The following RIGI variants were observed in gnomAD, a reference collection of about 807,000 sequenced individuals.
RIGI encodes the protein RNA sensor RIG-I.
the RIGI span, chr9:32,472,998 C>T: frequency 3.2e-5 from 51 of 1,609,608 alleles, no homozygotes; most frequent in East Asian, 2.5e-4. Context: ...TGTTTTGCCA[C>T]GTCCAGTCAA....
the RIGI span, among the ~76,000 whole-genome samples, chr9:32,509,500 G>A: frequency 1.3e-5 from 2 of 152,224 alleles, no homozygotes; most frequent in Non-Finnish European, 2.9e-5. Context: ...CAGACCTGCA[G>A]CTGAGGGGCC....
chr9:32,498,905 C>T, the RIGI span, among the ~76,000 whole-genome samples: 1 of 150,964 alleles, frequency 6.6e-6, no homozygotes, highest in South Asian at 2.1e-4. Flanking sequence ...ATAGCTCGAA[C>T]CCGGGAGGCG....
At chr9:32,516,887 C>T in the RIGI span, among the ~76,000 whole-genome samples, 1 of 152,176 alleles carries the variant, frequency 6.6e-6, no homozygotes, top group Admixed American at 6.5e-5. Context: ...AAAAGCACCT[C>T]GACTGTTTCA....
the RIGI span, among the ~76,000 whole-genome samples, chr9:32,482,636 G>A: frequency 1.3e-5 from 2 of 152,230 alleles, no homozygotes; most frequent in South Asian, 2.1e-4. Flanking sequence ...CCAGGCGGGT[G>A]GATCACGAGG....
chr9:32,461,466 C>G, the RIGI span, among the ~76,000 whole-genome samples: 1 of 152,138 alleles, frequency 6.6e-6, no homozygotes, highest in Non-Finnish European at 1.5e-5. Context: ...TTTCACGTGT[C>G]CCAGGTGGAT....
chr9:32,494,727 A>G, the RIGI span, among the ~76,000 whole-genome samples: 1 of 152,134 alleles, frequency 6.6e-6, no homozygotes, highest in East Asian at 1.9e-4. Context: ...TTCTGTTTCT[A>G]TGAATCTGAC....
the RIGI span, among the ~76,000 whole-genome samples, chr9:32,483,918 ATTAC>A: frequency 6.6e-6 from 1 of 152,014 alleles, no homozygotes; most frequent in Non-Finnish European, 1.5e-5. Context: ...TAGTATTAGT[ATTAC>A]TTCTCTAATT....
At chr9:32,477,271 G>T in the RIGI span, 1 of 914,510 alleles carries the variant, frequency 1.1e-6, no homozygotes. Flanking sequence ...GTTTTAAATT[G>T]GTACAACCTT....
At chr9:32,496,699 A>G in the RIGI span, among the ~76,000 whole-genome samples, 2 of 152,212 alleles carry the variant, frequency 1.3e-5, no homozygotes, top group African/African-American at 4.8e-5. Context: ...ATATCCCATC[A>G]TATGTACACA....
At chr9:32,459,322 G>A in the RIGI span, 2 of 1,591,496 alleles carry the variant, frequency 1.3e-6, no homozygotes, top group East Asian at 2.2e-5. Flanking sequence ...ACAGTAAGCT[G>A]TAGCTAGTGC....
At chr9:32,506,174 C>T in the RIGI span, among the ~76,000 whole-genome samples, 10 of 152,134 alleles carry the variant, frequency 6.6e-5, no homozygotes, top group African/African-American at 2.2e-4. Flanking sequence ...GCTGAGATTG[C>T]GCCACTGCAC....
At chr9:32,468,050 T>C in the RIGI span, 2 of 896,768 alleles carry the variant, frequency 2.2e-6, no homozygotes, top group Admixed American at 2.9e-5. Context: ...AAGTACTTTA[T>C]ATCCATGATC....
the RIGI span, chr9:32,489,592 A>G: frequency 2.2e-6 from 1 of 460,780 alleles, no homozygotes; most frequent in East Asian, 3.6e-5. Flanking sequence ...TCTCTTGGTA[A>G]CCATTCTAGC....
chr9:32,502,344 T>C, the RIGI span, among the ~76,000 whole-genome samples: 2 of 152,240 alleles, frequency 1.3e-5, no homozygotes, highest in African/African-American at 4.8e-5. Flanking sequence ...TGACGATGTA[T>C]ATATTCATTT....
At chr9:32,484,883 C>T in the RIGI span, among the ~76,000 whole-genome samples, 1 of 152,000 alleles carries the variant, frequency 6.6e-6, no homozygotes. Flanking sequence ...ACAGGAAAGT[C>T]AGGAGGGAAA....
chr9:32,515,337 C>CAA, the RIGI span, among the ~76,000 whole-genome samples: 4 of 90,196 alleles, frequency 4.4e-5, 1 homozygote, highest in African/African-American at 3.6e-5. Context: ...AAAAAAAAGC[C>CAA]ACACGTTTGT....
chr9:32,493,567 G>A, the RIGI span, among the ~76,000 whole-genome samples: 4 of 150,932 alleles, frequency 2.7e-5, no homozygotes, highest in African/African-American at 9.7e-5. Context: ...AGGTTGCAAT[G>A]AGCCGAGATC....
chr9:32,493,128 T>C, the RIGI span, among the ~76,000 whole-genome samples: 1 of 152,222 alleles, frequency 6.6e-6, no homozygotes, highest in South Asian at 2.1e-4. Flanking sequence ...ATACCGCTAG[T>C]GGTTGAGCTA....
chr9:32,488,910 G>T, the RIGI span: 1 of 1,579,090 alleles, frequency 6.3e-7, no homozygotes, highest in Non-Finnish European at 8.6e-7. Flanking sequence ...AAGGAAAAAA[G>T]AAAACATGTA....
Sources: allele counts gnomAD v4.1 joint callset (sites outside exome capture counted in the v4.1 genomes callset), GRCh38; gene constraint gnomAD v4.1.1; transcripts MANE v1.5; gene names NCBI Gene and HGNC (gene_info 2026-07-23, HGNC 2026-07-21).